The following SORCS2 variants were observed in gnomAD, a reference collection of about 807,000 sequenced individuals.
SORCS2 encodes the protein VPS10 domain-containing receptor SorCS2.
SORCS2 carries 100 observed loss-of-function variants against 141.6 expected under a neutral mutation model. That is an observed-to-expected ratio of 0.71 (90% CI 0.60 to 0.83). SORCS2 has a LOEUF of 0.83. Among genes scored for constraint, SORCS2 ranks in the 40% least tolerant of loss-of-function variants. The pLI, the probability that SORCS2 is intolerant of heterozygous loss-of-function variation, is 0.00. For synonymous variants in SORCS2, 789 were observed against 676.9 expected (o/e 1.17, Z -2.57); for missense variants, 1,646 against 1,560.2 (o/e 1.05, Z -0.93).
intron 1 of SORCS2, among the ~76,000 whole-genome samples, chr4:7,326,993 C>A (rs35151710): frequency 0.081 from 12,370 of 152,270 alleles, 814 homozygotes; most frequent in African/African-American, 0.17. Flanking sequence ...CGGGCCTCCA[C>A]CCCTGCCCAC....
intron 2 of SORCS2, among the ~76,000 whole-genome samples, chr4:7,446,671 G>C (rs1728022797): frequency 6.6e-6 from 1 of 152,148 alleles, no homozygotes. Context: ...TTGAGTGCAG[G>C]GGCCATGCTT....
chr4:7,525,996 G>T (rs1429859005), intron 2 of SORCS2, among the ~76,000 whole-genome samples: 7 of 113,232 alleles, frequency 6.2e-5, no homozygotes, highest in Non-Finnish European at 1.3e-4. Flanking sequence ...CCTGTCCCCT[G>T]CAGTCACCTG....
In SORCS2 at chr4:7,667,118, G is replaced by A. The variant is rs1009349271; in HGVS notation, c.1072-6G>A. ...CTCTCAAAAATGTGTTTCTTCCCCC[G>A]GTTAGGCAACATCAGCAAACCAGAC... On this transcript the variant is annotated splice_region_variant and splice_polypyrimidine_tract_variant and intron_variant, in intron 7 of 26. Coordinates refer to ENST00000507866, the MANE Select transcript of SORCS2 (RefSeq NM_020777.3). 2.5e-6 allele frequency: 4 copies of A among 1,611,216 alleles called. No homozygotes were observed. The highest frequency in any genetic ancestry group is 2.2e-5 in the East Asian group (1 of 44,772).
In SORCS2 at chr4:7,704,190, G is replaced by C. The variant is rs773691474; in HGVS notation, c.1774G>C (p.Glu592Gln). Reference protein sequence around the residue: ...PLKILKFSVDEGLTWSTHNFT... With the variant: ...PLKILKFSVDQGLTWSTHNFT... ...TTCTCCTGGCAGGTTCAGTGTGGAC[G>C]AGGGCCTCACCTGGAGCACGCACAA... The change falls in exon 14 of 27, where the codon GAG becomes CAG. Residue 592 changes from glutamate to glutamine, a missense_variant. Glu to Gln is a conservative substitution (Grantham distance 29, BLOSUM62 2). Transcript: ENST00000507866. 1 of 1,612,148 alleles carries C rather than the reference G, an allele frequency of 6.2e-7. No individual in the cohort carries two copies. The highest frequency in any genetic ancestry group is 8.5e-7 in the Non-Finnish European group (1 of 1,179,306).
chr4:7,569,330 G>A (rs1407000263), intron 3 of SORCS2, among the ~76,000 whole-genome samples: 1 of 152,180 alleles, frequency 6.6e-6, no homozygotes, highest in Non-Finnish European at 1.5e-5. Flanking sequence ...GGCCAACATG[G>A]TGAAACCCCG....
intron 5 of SORCS2, among the ~76,000 whole-genome samples, chr4:7,655,708 T>C (rs1721725989): frequency 6.6e-6 from 1 of 152,226 alleles, no homozygotes. Context: ...TTGTCATTGC[T>C]GTCAACTGTC....
chr4:7,689,452 G>A (rs1191832341), intron 10 of SORCS2, 34 bp from the exon 11 acceptor site: 5 of 1,552,076 alleles, frequency 3.2e-6, no homozygotes, highest in Non-Finnish European at 4.4e-6. Flanking sequence ...TCCTACTCAT[G>A]TGTTGACAGT....
intron 2 of SORCS2, among the ~76,000 whole-genome samples, chr4:7,530,454 G>C (rs543680376): frequency 7.9e-5 from 12 of 152,328 alleles, no homozygotes; most frequent in African/African-American, 2.6e-4. Context: ...GCCCCACAAG[G>C]CATGCTGCCC....
chr4:7,531,716 G>C (rs1182723482), intron 3 of SORCS2, 87 bp downstream of exon 3: 1 of 1,339,558 alleles, frequency 7.5e-7, no homozygotes, highest in Non-Finnish European at 1.0e-6. Context: ...GCCCTGCCCT[G>C]CTGTCTCCTA....
intron 2 of SORCS2, among the ~76,000 whole-genome samples, chr4:7,520,305 C>T (rs769809093): frequency 1.3e-5 from 2 of 152,176 alleles, no homozygotes; most frequent in Non-Finnish European, 2.9e-5. Context: ...GCGAGGGATT[C>T]GCTGAAAAGG....
intron 2 of SORCS2, among the ~76,000 whole-genome samples, chr4:7,531,112 A>G (rs1711600321): frequency 6.6e-6 from 1 of 152,224 alleles, no homozygotes; most frequent in African/African-American, 2.4e-5. Flanking sequence ...CAGACGGGCC[A>G]GTCAAATCCT....
intron 1 of SORCS2, among the ~76,000 whole-genome samples, chr4:7,302,369 G>A (rs923510897): frequency 2.0e-5 from 3 of 152,194 alleles, no homozygotes; most frequent in Non-Finnish European, 4.4e-5. Context: ...CCAAGGTCAC[G>A]ACCGGATCCT....
At chr4:7,297,991 GT>G (rs1323370074) in intron 1 of SORCS2, among the ~76,000 whole-genome samples, 1 of 152,252 alleles carries the variant, frequency 6.6e-6, no homozygotes, top group African/African-American at 2.4e-5. Flanking sequence ...GGACCCTGTA[GT>G]TCTGTGCCCT....
At chr4:7,608,357 T>C (rs1467908151) in intron 3 of SORCS2, among the ~76,000 whole-genome samples, 1 of 152,160 alleles carries the variant, frequency 6.6e-6, no homozygotes. Flanking sequence ...TCAGGGCCCT[T>C]TGACCACCTG....
chr4:7,203,170 G>C (rs970066189), intron 1 of SORCS2, among the ~76,000 whole-genome samples: 5 of 152,218 alleles, frequency 3.3e-5, no homozygotes, highest in African/African-American at 1.2e-4. Flanking sequence ...GGTGGCTCAC[G>C]CCTGTAATCC....
chr4:7,636,166 G>A lies in SORCS2; in HGVS notation c.649-2162G>A, dbSNP rs1305131381. Among the ~76,000 whole-genome samples, 14 of 151,882 alleles carry A rather than the reference G, an allele frequency of 9.2e-5. No homozygotes were observed. The South Asian group carries it at 1.7e-3, about 18-fold the overall frequency. On this transcript the variant is annotated intron_variant, in intron 3 of 26. Coordinates refer to ENST00000507866, the MANE Select transcript of SORCS2 (RefSeq NM_020777.3). The stretch of plus-strand genomic sequence containing the variant: ...CTTAAATGCCCCATTCTGCGTAGGC[G>A]CACCCTGCAGTGTGTGGCTAAGAAC...
intron 2 of SORCS2, among the ~76,000 whole-genome samples, chr4:7,475,429 G>C (rs1730231022): frequency 6.6e-6 from 1 of 152,132 alleles, no homozygotes. Flanking sequence ...GCATGTGGTA[G>C]GCTCGGCCGG....
At chr4:7,500,519 A>G (rs1485282464) in intron 2 of SORCS2, among the ~76,000 whole-genome samples, 1 of 152,160 alleles carries the variant, frequency 6.6e-6, no homozygotes, top group African/African-American at 2.4e-5. Context: ...GGAGATAGCC[A>G]GTATTCAAGT....
chr4:7,719,527 T>C (rs1025198134), intron 18 of SORCS2, among the ~76,000 whole-genome samples: 7 of 152,144 alleles, frequency 4.6e-5, no homozygotes, highest in African/African-American at 1.7e-4. Flanking sequence ...CTGGGGCCCC[T>C]AGACCTGAGC....
Sources: allele counts gnomAD v4.1 joint callset (sites outside exome capture counted in the v4.1 genomes callset), GRCh38; gene constraint gnomAD v4.1.1; transcripts MANE v1.5; gene names NCBI Gene and HGNC (gene_info 2026-07-23, HGNC 2026-07-21).